The following MYLK variants were observed in gnomAD, a reference collection of about 807,000 sequenced individuals.
MYLK encodes the protein myosin light chain kinase, smooth muscle.
Under a neutral mutation model 203.4 loss-of-function variants are expected in MYLK, and 106 were observed. The observed-to-expected ratio is 0.52, with a 90% CI of 0.45 to 0.61. The LOEUF is 0.61. Among genes scored for constraint, MYLK ranks in the 20% least tolerant of loss-of-function variants. MYLK has a pLI of 0.00. For missense variants in MYLK, 2,072 were observed against 2,442.3 expected (o/e 0.85, Z 3.20); for synonymous variants, 867 against 959.5 (o/e 0.90, Z 1.78).
At chr3:123,866,793 T>C (rs2032360481) in intron 2 of MYLK, among the ~76,000 whole-genome samples, 1 of 152,098 alleles carries the variant, frequency 6.6e-6, no homozygotes, top group Non-Finnish European at 1.5e-5. Flanking sequence ...GTCTCTAAAA[T>C]GTTACCTCTC....
intron 2 of MYLK, among the ~76,000 whole-genome samples, chr3:123,835,059 A>T (rs184809931): frequency 1.3e-5 from 2 of 152,364 alleles, no homozygotes; most frequent in East Asian, 3.9e-4. Flanking sequence ...CAACTGGAAC[A>T]CAAAAACTAC....
intron 29 of MYLK, among the ~76,000 whole-genome samples, chr3:123,633,272 G>A (rs574113251): frequency 2.6e-5 from 4 of 151,876 alleles, no homozygotes; most frequent in African/African-American, 7.2e-5. Flanking sequence ...GACCACAGGC[G>A]CACGCCACCA....
intron 1 of MYLK, among the ~76,000 whole-genome samples, chr3:123,876,893 A>C (rs1171603742): frequency 1.3e-5 from 2 of 152,202 alleles, no homozygotes; most frequent in African/African-American, 4.8e-5. Flanking sequence ...CAGATATAAA[A>C]TTTTAGCATG....
At chr3:123,673,459 C>G (rs898257414) in intron 20 of MYLK, among the ~76,000 whole-genome samples, 4 of 152,090 alleles carry the variant, frequency 2.6e-5, no homozygotes, top group Non-Finnish European at 5.9e-5. Flanking sequence ...CCCCCGCTCT[C>G]TGAAACAAAC....
chr3:123,617,092 C>T (rs968787603), intron 33 of MYLK: 1 of 152,094 alleles, frequency 6.6e-6, no homozygotes, highest in Admixed American at 6.5e-5. Flanking sequence ...TCATAAAGTA[C>T]CCTCCACTCC....
chr3:123,637,223 C>T lies in MYLK; in HGVS notation c.4961+848G>A, dbSNP rs116256520. 8.7e-3 allele frequency among the ~76,000 whole-genome samples: 1,332 copies of T among 152,312 alleles called. 9 individuals carry two copies. The highest frequency in any genetic ancestry group is 0.014 in the Non-Finnish European group (928 of 68,026). On this transcript the variant is annotated intron_variant, in intron 29 of 33. Coordinates refer to ENST00000360304, the MANE Select transcript of MYLK (RefSeq NM_053025.4). Reference sequence around the variant, plus strand: ...CCACACAGGTTCAGGGGCTAATGACCGTCCGCACCCTGGGGCTTCAGGGAC... The same window carrying T: ...CCACACAGGTTCAGGGGCTAATGACTGTCCGCACCCTGGGGCTTCAGGGAC...
intron 4 of MYLK, among the ~76,000 whole-genome samples, chr3:123,757,508 G>T (rs529415879): frequency 6.6e-6 from 1 of 152,310 alleles, no homozygotes; most frequent in African/African-American, 2.4e-5. Flanking sequence ...CTGAGGCTCT[G>T]CCCACATCAG....
chr3:123,647,175 G>A (rs377354394), intron 27 of MYLK, 49 bp downstream of exon 27: 39 of 1,571,602 alleles, frequency 2.5e-5, no homozygotes, highest in Admixed American at 5.0e-5. Context: ...GGGGAGACAC[G>A]TTTGGGGGCT....
chr3:123,703,369 C>T (rs565608705), intron 16 of MYLK, among the ~76,000 whole-genome samples: 1 of 152,204 alleles, frequency 6.6e-6, no homozygotes, highest in Non-Finnish European at 1.5e-5. Flanking sequence ...CGTGCTGTCC[C>T]AGGCTGTGCT....
chr3:123,708,046 A>G (rs2061531403), intron 15 of MYLK, 43 bp from the exon 16 acceptor site: 3 of 1,612,072 alleles, frequency 1.9e-6, no homozygotes, highest in Non-Finnish European at 2.5e-6. Flanking sequence ...GATGTCCCTC[A>G]GCAGGCAGTG....
At chr3:123,677,821 T>C (rs561965181) in intron 20 of MYLK, among the ~76,000 whole-genome samples, 1 of 146,830 alleles carries the variant, frequency 6.8e-6, no homozygotes, top group Non-Finnish European at 1.5e-5. Context: ...TTCAAGGGCA[T>C]GATATCTCCA....
Position 123,640,131 on chromosome 3 carries a change from C to T in MYLK, c.4837+156G>A, listed in dbSNP as rs143845565. On this transcript the variant is annotated intron_variant, in intron 28 of 33. Coordinates refer to ENST00000360304, the MANE Select transcript of MYLK (RefSeq NM_053025.4). This position sits in a 1 kb window ranked among gnomAD's most constrained non-coding sequence, Gnocchi z 4.3. ...ATGGGGAATTTGAGGCTTACTGTCA[C>T]GTCTAGTATGTGGTAGGGGCAGGAT... Among the ~76,000 whole-genome samples the T allele has an allele frequency of 7.9e-5, 12 of 151,942 alleles. No individual in the cohort carries two copies. Among genetic ancestry groups the T allele is most frequent in the African/African-American group, 2.4e-4 (10 of 41,314 alleles).
intron 13 of MYLK, among the ~76,000 whole-genome samples, chr3:123,710,396 T>C (rs1576678606): frequency 6.6e-6 from 1 of 152,216 alleles, no homozygotes; most frequent in Non-Finnish European, 1.5e-5. Context: ...TTACACAAAA[T>C]GCTTGGCATC....
chr3:123,712,861 T>G (rs1418479089), intron 13 of MYLK, among the ~76,000 whole-genome samples: 1 of 152,238 alleles, frequency 6.6e-6, no homozygotes, highest in African/African-American at 2.4e-5. Context: ...TGAGAACATT[T>G]GTACGAGCCT....
rs886057851 is a variant in MYLK at position 123,613,688 on chromosome 3, G to GA, written c.*416dup. The GA allele has an allele frequency of 8.3e-5, 19 of 229,994 alleles. No individual in the cohort carries two copies. In the South Asian group the frequency reaches 1.1e-3, roughly 14 times the overall value. 14.2% of individuals were successfully genotyped at this position (229,994 alleles called of 1,614,324 possible). A position where few individuals can be genotyped will look rare whatever the true frequency, so the allele number is the denominator to read the frequency against. ...CAGTTCTCTAGAGTCAGGGGGTGGG[G>GA]AGAGAGAGGCCTCCCATCCCCAGGA... On this transcript the variant is annotated 3_prime_UTR_variant, in exon 34 of 34. Transcript: ENST00000360304.
chr3:123,780,241 C>A (rs756238001), intron 4 of MYLK, among the ~76,000 whole-genome samples: 39 of 152,200 alleles, frequency 2.6e-4, no homozygotes, highest in Non-Finnish European at 5.1e-4. Context: ...TGAGACCAGC[C>A]TGACCAATGT....
At position 123,738,971 on chromosome 3, in the gene MYLK, C is replaced by T. The variant is rs1287886464; in HGVS notation, c.514G>A (p.Val172Ile). 6.2e-7 allele frequency: 1 copy of T among 1,613,654 alleles called. No individual in the cohort carries two copies. The highest frequency in any genetic ancestry group is 8.5e-7 in the Non-Finnish European group (1 of 1,179,844). ...AATCGTCCCATCTGTCCTTCTTTGA[C>T]CACAACTCGGCCCAGCTTGGTAGCA... ...KFATKLGRVVVKEGQMGRFSC... is the reference protein window; with the variant it reads ...KFATKLGRVVIKEGQMGRFSC... The change falls in exon 7 of 34, where the codon GTC becomes ATC. Residue 172 changes from valine (V) to isoleucine (I), a missense_variant. Transcript: ENST00000360304.
In MYLK at chr3:123,871,145, T is replaced by C. The variant is rs137937260; in HGVS notation, c.-127+5414A>G. Among the ~76,000 whole-genome samples the C allele has an allele frequency of 9.2e-3, 1,396 of 152,144 alleles. 7 individuals carry two copies. The highest frequency in any genetic ancestry group is 0.014 in the Non-Finnish European group (985 of 67,976). ...TACTAAAGCTCTCCTAATAAATGCT[T>C]AGAGGTAGGAAAACTGGTTCTACAC... is the stretch of plus-strand genomic sequence containing the variant. On this transcript the variant is annotated intron_variant, in intron 2 of 33. Coordinates refer to ENST00000360304, the MANE Select transcript of MYLK (RefSeq NM_053025.4).
intron 2 of MYLK, among the ~76,000 whole-genome samples, chr3:123,863,488 TA>T (rs1380369898): frequency 6.6e-6 from 1 of 150,944 alleles, no homozygotes; most frequent in Admixed American, 6.6e-5. Context: ...GTATTCAGAA[TA>T]AAAAATTCCT....
Sources: allele counts gnomAD v4.1 joint callset (sites outside exome capture counted in the v4.1 genomes callset), GRCh38; gene constraint gnomAD v4.1.1; non-coding constraint Gnocchi (gnomAD v3.1); transcripts MANE v1.5; gene names NCBI Gene and HGNC (gene_info 2026-07-23, HGNC 2026-07-21).